The following ASAP1 variants were observed in gnomAD, a reference collection of about 807,000 sequenced individuals.
The protein encoded by ASAP1 is arf-GAP with SH3 domain, ANK repeat and PH domain-containing protein 1.
A neutral mutation model predicts 145.2 loss-of-function variants in ASAP1; 43 were observed. The ratio of observed to expected loss-of-function variants is 0.30; its 90% CI spans 0.23 to 0.38. The LOEUF is 0.38. Among genes scored for constraint, ASAP1 ranks in the 10% least tolerant of loss-of-function variants. The probability of loss-of-function intolerance (pLI) is 1.00; values close to 1 mark genes in which losing one functional copy is unlikely to be tolerated. For missense variants in ASAP1, 1,018 were observed against 1,355.3 expected, an observed-to-expected ratio of 0.75 and a Z score of 3.91; for synonymous variants, 546 against 515.5, an observed-to-expected ratio of 1.06 and a Z score of -0.80.
Position 130,441,582 on chromosome 8 carries a change from T to G in ASAP1, c.-28+1878A>C, listed in dbSNP as rs138671276. Among the ~76,000 whole-genome samples, 5 of 152,320 alleles carry G rather than the reference T, an allele frequency of 3.3e-5. No homozygotes were observed. In the East Asian group the frequency reaches 9.6e-4, roughly 29 times the overall value. ...TGGGGTTCCCTTCTTTCCTCTAGAC[T>G]TCAGTCACCTAGGTGCAGCATGGAG... On this transcript the variant is annotated intron_variant, in intron 1 of 29. Transcript: ENST00000518721.
chr8:130,134,042 A>C (rs920204677), intron 15 of ASAP1, among the ~76,000 whole-genome samples: 1 of 152,198 alleles, frequency 6.6e-6, no homozygotes. Flanking sequence ...GCGGGCAAGG[A>C]GTAGTGAGCT....
At chr8:130,063,901 G>A (rs1041405072) in intron 27 of ASAP1, among the ~76,000 whole-genome samples, 4 of 152,170 alleles carry the variant, frequency 2.6e-5, no homozygotes, top group Admixed American at 2.6e-4. Flanking sequence ...AGGGTGACAA[G>A]TAAACATGGA....
At chr8:130,305,680 T>C (rs778252292) in intron 3 of ASAP1, among the ~76,000 whole-genome samples, 8 of 152,166 alleles carry the variant, frequency 5.3e-5, no homozygotes, top group Non-Finnish European at 7.3e-5. Context: ...AGCCTATTCA[T>C]TCATTTTTAT....
intron 12 of ASAP1, 23 bp downstream of exon 12, chr8:130,159,841 C>T: frequency 1.3e-6 from 2 of 1,571,028 alleles, no homozygotes; most frequent in Non-Finnish European, 1.8e-6. Flanking sequence ...CACACTGAGA[C>T]ACTGGGCTGG....
intron 3 of ASAP1, among the ~76,000 whole-genome samples, chr8:130,281,918 T>A (rs1163846959): frequency 6.6e-6 from 1 of 151,970 alleles, no homozygotes; most frequent in Non-Finnish European, 1.5e-5. Flanking sequence ...TACAAAAAGT[T>A]AGCGGGGCAA....
At chr8:130,072,824 T>TGTGTGTGCGCGCGCGCGCGCGC in intron 27 of ASAP1, among the ~76,000 whole-genome samples, 4 of 32,316 alleles carry the variant, frequency 1.2e-4, no homozygotes, top group East Asian at 2.4e-3. Flanking sequence ...TGTGTGTGTG[T>TGTGTGTGCGCGCGCGCGCGCGC]GCGCGCGGGG....
At chr8:130,184,762 T>G (rs1052848503) in intron 7 of ASAP1, among the ~76,000 whole-genome samples, 2 of 152,248 alleles carry the variant, frequency 1.3e-5, no homozygotes, top group Admixed American at 1.3e-4. Context: ...GAAATTTGAT[T>G]CTTAAAGAGA....
chr8:130,343,971 A>G (rs1311772588), intron 3 of ASAP1, among the ~76,000 whole-genome samples: 1 of 152,170 alleles, frequency 6.6e-6, no homozygotes, highest in African/African-American at 2.4e-5. Context: ...TGACTTTTAA[A>G]TTTTCTTCTT....
rs530603639 is a variant in ASAP1 at position 130,106,269 on chromosome 8, CTAA to C, written c.2401+5822_2401+5824del. 3.3e-4 allele frequency among the ~76,000 whole-genome samples: 50 copies of C among 152,324 alleles called. No homozygotes were observed. The South Asian group carries it at 5.6e-3, about 17-fold the overall frequency. The stretch of plus-strand genomic sequence containing the variant: ...TGAGAAGCTTTAATATCAAGCTACT[CTAA>C]TGACTGTCTTCCCATGAGATAAAAA... On this transcript the variant is annotated intron_variant, in intron 24 of 29. Coordinates refer to ENST00000518721, the MANE Select transcript of ASAP1 (RefSeq NM_018482.4).
chr8:130,115,276 G>T (rs778477651), intron 23 of ASAP1, among the ~76,000 whole-genome samples: 1 of 152,216 alleles, frequency 6.6e-6, no homozygotes, highest in Non-Finnish European at 1.5e-5. Context: ...GGTAAGGAAT[G>T]CTGCCTCCAG....
intron 4 of ASAP1, among the ~76,000 whole-genome samples, chr8:130,215,378 G>A (rs1444677305): frequency 6.6e-6 from 1 of 152,000 alleles, no homozygotes; most frequent in African/African-American, 2.4e-5. Context: ...TAGGCAGGTC[G>A]CTTGAGCCCA....
At chr8:130,138,836 CAAA>C (rs754901058) in intron 13 of ASAP1, among the ~76,000 whole-genome samples, 4 of 81,422 alleles carry the variant, frequency 4.9e-5, no homozygotes, top group Non-Finnish European at 9.9e-5. Flanking sequence ...AACTCCGTCT[CAAA>C]AAAAAAAAAA....
intron 28 of ASAP1, among the ~76,000 whole-genome samples, chr8:130,058,885 T>A (rs527401147): frequency 7.1e-4 from 108 of 152,268 alleles, no homozygotes; most frequent in Non-Finnish European, 1.2e-3. Context: ...TGCGGGTGGG[T>A]TGGAGAAGCC....
chr8:130,276,143 G>C (rs1417453965), intron 3 of ASAP1, among the ~76,000 whole-genome samples: 3 of 152,172 alleles, frequency 2.0e-5, no homozygotes, highest in Admixed American at 6.5e-5. Flanking sequence ...CTGACCTCTA[G>C]GTCTGGCATT....
At chr8:130,112,523 C>T in intron 23 of ASAP1, 1 of 526,818 alleles carries the variant, frequency 1.9e-6, no homozygotes, top group Non-Finnish European at 3.4e-6. Flanking sequence ...TCGTTCACCA[C>T]TATGAATAAT....
rs1586904089 is a variant in ASAP1, at chr8:130,358,710, C to A, written c.60-567G>T. Among the ~76,000 whole-genome samples, 2 of 114,040 alleles carry A rather than the reference C, an allele frequency of 1.8e-5. No individual in the cohort carries two copies. The highest frequency in any genetic ancestry group is 1.7e-4 in the Admixed American group (2 of 11,854). The allele number at this position is 114,040 out of a possible 152,430, so 74.8% of individuals were successfully genotyped here. On this transcript the variant is annotated intron_variant, in intron 2 of 29. Transcript: ENST00000518721. This position sits in a 1 kb window ranked among gnomAD's most constrained non-coding sequence, Gnocchi z 4.1. ...CCGCCCCCAGCCCCGCCCCCCCGGT[C>A]CCTCCCCGCCCGCGCCCCGCCCCCG...
chr8:130,377,439 T>G (rs1286071708), intron 2 of ASAP1, among the ~76,000 whole-genome samples: 1 of 152,242 alleles, frequency 6.6e-6, no homozygotes, highest in Non-Finnish European at 1.5e-5. Context: ...AGGGGTGTTT[T>G]GTACTGAAGA....
chr8:130,291,992 C>T (rs1347891932), intron 3 of ASAP1, among the ~76,000 whole-genome samples: 3 of 152,166 alleles, frequency 2.0e-5, no homozygotes, highest in Non-Finnish European at 2.9e-5. Flanking sequence ...CCAAGTGAGC[C>T]TCCCTTTCTT....
chr8:130,243,852 C>G (rs1441328188), intron 3 of ASAP1, among the ~76,000 whole-genome samples: 1 of 152,142 alleles, frequency 6.6e-6, no homozygotes, highest in Non-Finnish European at 1.5e-5. Context: ...CTAACACTCT[C>G]TGAAATGATC....
Sources: gnomAD v4.1 joint callset for allele counts (sites outside exome capture counted in the v4.1 genomes callset) on GRCh38, gnomAD v4.1.1 for gene constraint, Gnocchi (gnomAD v3.1) non-coding constraint, MANE v1.5 for transcripts, NCBI Gene and HGNC (gene_info 2026-07-23, HGNC 2026-07-21) for gene names.